The following ADAMTS12 variants were observed in gnomAD, a reference collection of about 807,000 sequenced individuals.
ADAMTS12 encodes ADAM metallopeptidase with thrombospondin type 1 motif 12.
Under a neutral mutation model 167.8 loss-of-function variants are expected in ADAMTS12, and 118 were observed. The ratio of observed to expected loss-of-function variants is 0.70; its 90% confidence interval spans 0.61 to 0.82. ADAMTS12 has a LOEUF of 0.82. Ranked by LOEUF, ADAMTS12 falls within the 40% of genes least tolerant of loss-of-function variation. ADAMTS12 has a pLI of 0.00. For missense variants in ADAMTS12, 1,916 were observed against 1,998.8 expected (o/e 0.96, Z 0.79); for synonymous variants, 704 against 716.9 (o/e 0.98, Z 0.29).
In ADAMTS12 at chr5:33,683,017, C is replaced by A; in HGVS notation, c.915+1G>T. ...AGAAGAGTGAAGGGAAAAAATGTTA[C>A]CTCTTCTTCTTCGAGTAGAATGAGC... is the stretch of plus-strand genomic sequence containing the variant. On this transcript the variant is annotated splice_donor_variant, in intron 5 of 23. Coordinates refer to ENST00000504830, the MANE Select transcript of ADAMTS12 (RefSeq NM_030955.4). LOFTEE classifies it high-confidence loss of function. 1 of 1,611,354 alleles carries A rather than the reference C, an allele frequency of 6.2e-7. No homozygotes were observed. Among genetic ancestry groups the A allele is most frequent in the Non-Finnish European group, 8.5e-7 (1 of 1,178,724 alleles).
intron 19 of ADAMTS12, among the ~76,000 whole-genome samples, chr5:33,572,233 C>T (rs1391302594): frequency 6.6e-6 from 1 of 152,118 alleles, no homozygotes; most frequent in African/African-American, 2.4e-5. Flanking sequence ...AGGGAATCCT[C>T]CCTAACTCAT....
chr5:33,574,501 A>G (rs1208712748), intron 19 of ADAMTS12, among the ~76,000 whole-genome samples: 1 of 151,990 alleles, frequency 6.6e-6, no homozygotes, highest in East Asian at 1.9e-4. Context: ...ACAAGGACAA[A>G]AAACCAAACA....
chr5:33,569,388 C>G (rs1208430244), intron 19 of ADAMTS12, among the ~76,000 whole-genome samples: 1 of 152,212 alleles, frequency 6.6e-6, no homozygotes, highest in Non-Finnish European at 1.5e-5. Flanking sequence ...AGGTACTCCT[C>G]TGAGACAAAA....
intron 3 of ADAMTS12, among the ~76,000 whole-genome samples, chr5:33,697,860 C>T (rs1258521363): frequency 6.6e-6 from 1 of 152,256 alleles, no homozygotes; most frequent in African/African-American, 2.4e-5. Flanking sequence ...GGTTCTCATG[C>T]CCCTTTGTTC....
At chr5:33,596,185 C>T in intron 16 of ADAMTS12, 125 bp from the exon 17 acceptor site, 7 of 1,281,666 alleles carry the variant, frequency 5.5e-6, no homozygotes, top group Non-Finnish European at 5.4e-6. Context: ...TCAAAAGTTA[C>T]TTGGTTTTAA....
At chr5:33,673,670 T>C (rs905291121) in intron 5 of ADAMTS12, among the ~76,000 whole-genome samples, 2 of 28,886 alleles carry the variant, frequency 6.9e-5, no homozygotes, top group African/African-American at 1.3e-4. Flanking sequence ...CAAAAGTCTG[T>C]CCATATCATG....
chr5:33,635,741 A>C (rs1469143058), intron 12 of ADAMTS12, among the ~76,000 whole-genome samples: 1 of 152,202 alleles, frequency 6.6e-6, no homozygotes, highest in African/African-American at 2.4e-5. Context: ...TGAACGACCT[A>C]CTGGCAGGGA....
intron 2 of ADAMTS12, among the ~76,000 whole-genome samples, chr5:33,866,147 C>T (rs1042944012): frequency 3.9e-5 from 6 of 151,936 alleles, no homozygotes; most frequent in African/African-American, 1.4e-4. Context: ...CCTGAATATC[C>T]AAAGCTATCC....
chr5:33,673,034 C>T (rs959667306), intron 5 of ADAMTS12, among the ~76,000 whole-genome samples: 6 of 152,290 alleles, frequency 3.9e-5, no homozygotes, highest in Admixed American at 2.0e-4. Flanking sequence ...TAGTAATTAA[C>T]CAATGAATGA....
intron 3 of ADAMTS12, among the ~76,000 whole-genome samples, chr5:33,699,633 T>C (rs1218909986): frequency 6.6e-6 from 1 of 152,278 alleles, no homozygotes; most frequent in East Asian, 1.9e-4. Flanking sequence ...CTAAAATTGA[T>C]TTTGGTGGTG....
chr5:33,591,691 C>T (rs1434380845), intron 17 of ADAMTS12, among the ~76,000 whole-genome samples: 1 of 152,200 alleles, frequency 6.6e-6, no homozygotes, highest in Non-Finnish European at 1.5e-5. Context: ...GGGCTTTTCC[C>T]AGTCTCAACG....
intron 18 of ADAMTS12, among the ~76,000 whole-genome samples, chr5:33,577,417 C>T (rs946903729): frequency 1.3e-5 from 2 of 152,054 alleles, no homozygotes; most frequent in African/African-American, 4.8e-5. Flanking sequence ...AACTGCAGTC[C>T]CTTTGGGCTG....
At chr5:33,567,483 TACATATCTTG>T (rs1746071384) in intron 19 of ADAMTS12, among the ~76,000 whole-genome samples, 1 of 152,162 alleles carries the variant, frequency 6.6e-6, no homozygotes, top group African/African-American at 2.4e-5. Flanking sequence ...AGGAAGAAAA[TACATATCTTG>T]ACAGTACTGT....
At position 33,716,708 on chromosome 5, in the gene ADAMTS12, G is replaced by A. The variant is rs193092175; in HGVS notation, c.635-32653C>T. ...GACCAAAGGAACACAGTTCAGCCAC[G>A]AACAAAATACATTTTGAAAAAACTT... On this transcript the variant is annotated intron_variant, in intron 3 of 23. Transcript: ENST00000504830. 5.2e-3 allele frequency among the ~76,000 whole-genome samples: 795 copies of A among 152,084 alleles called. 4 individuals carry two copies. Among genetic ancestry groups the A allele is most frequent in the African/African-American group, 0.018 (757 of 41,496 alleles).
rs1739900342 is a variant in ADAMTS12 at position 33,630,968 on chromosome 5, TC to T, written c.1889-56del. ...CAAATTAGCTTTTAGCTCAGCATCC[TC>T]CCCCAGGATTCCTCCGTACTTAGGA... On this transcript the variant is annotated intron_variant, in intron 12 of 23. Transcript: ENST00000504830. 6 of 1,591,776 alleles carry T rather than the reference TC, an allele frequency of 3.8e-6. 1 individual carries two copies. The South Asian group carries it at 6.7e-5, about 18-fold the overall frequency.
chr5:33,648,129 T>C lies in ADAMTS12; in HGVS notation c.1479+693A>G, dbSNP rs117445074. 7.9e-5 allele frequency among the ~76,000 whole-genome samples: 12 copies of C among 152,340 alleles called. No homozygotes were observed. In the East Asian group the frequency reaches 1.4e-3, roughly 17 times the overall value. ...AGGGATGAGTTCAGAGAGTAGACAA[T>C]TTCCAAATCACGAAGGACTGCCTCA... On this transcript the variant is annotated intron_variant, in intron 9 of 23. Coordinates refer to ENST00000504830, the MANE Select transcript of ADAMTS12 (RefSeq NM_030955.4).
In ADAMTS12 at chr5:33,561,021, A is replaced by C. The variant is rs1745724089; in HGVS notation, c.4125+6T>G. 1.9e-6 allele frequency: 3 copies of C among 1,613,752 alleles called. No homozygotes were observed. The highest frequency in any genetic ancestry group is 2.5e-6 in the Non-Finnish European group (3 of 1,179,954). On this transcript the variant is annotated splice_donor_region_variant and intron_variant, in intron 20 of 23. Coordinates refer to ENST00000504830, the MANE Select transcript of ADAMTS12 (RefSeq NM_030955.4). The stretch of plus-strand genomic sequence containing the variant: ...CTCCAAGACTCTGCCAAGCCTGATA[A>C]GTTACCTTGCTCCAGTTTCCCACTT...
At chr5:33,589,297 T>C (rs1268330766) in intron 17 of ADAMTS12, among the ~76,000 whole-genome samples, 1 of 152,222 alleles carries the variant, frequency 6.6e-6, no homozygotes, top group Non-Finnish European at 1.5e-5. Flanking sequence ...ACCATGCTAT[T>C]GAATAAAAGA....
At chr5:33,599,671 G>A (rs1245070904) in intron 16 of ADAMTS12, among the ~76,000 whole-genome samples, 8 of 152,116 alleles carry the variant, frequency 5.3e-5, no homozygotes, top group Non-Finnish European at 8.8e-5. Flanking sequence ...AGGCAAGGTC[G>A]TCAGCTTGAC....
Sources: gnomAD v4.1 joint callset for allele counts (sites outside exome capture counted in the v4.1 genomes callset) on GRCh38, gnomAD v4.1.1 for gene constraint, MANE v1.5 for transcripts, NCBI Gene and HGNC (gene_info 2026-07-23, HGNC 2026-07-21) for gene names.